Variants in KALRN observed in about 807,000 individuals in gnomAD.
KALRN encodes the protein kalirin.
KALRN carries 70 observed loss-of-function variants against 353.7 expected under a neutral mutation model. The observed-to-expected ratio is 0.20, with a 90% CI of 0.16 to 0.24. The LOEUF (loss-of-function observed/expected upper bound fraction) is 0.24. Among genes scored for constraint, KALRN ranks in the 10% least tolerant of loss-of-function variants. The pLI, the probability that KALRN is intolerant of heterozygous loss-of-function variation, is 1.00. For synonymous variants in KALRN, 1,391 were observed against 1,434.8 expected (o/e 0.97, Z 0.69); for missense variants, 2,791 against 3,756.7 (o/e 0.74, Z 6.72).
chr3:124,045,315 G>T (rs995592131), intron 1 of KALRN, among the ~76,000 whole-genome samples: 2 of 152,166 alleles, frequency 1.3e-5, no homozygotes, highest in Admixed American at 1.3e-4. Flanking sequence ...CCGTGTCAGG[G>T]TGTGGCAGTG....
intron 25 of KALRN, among the ~76,000 whole-genome samples, chr3:124,463,231 A>C (rs2060015195): frequency 6.6e-6 from 1 of 152,248 alleles, no homozygotes; most frequent in South Asian, 2.1e-4. Flanking sequence ...TCAGCAAAAA[A>C]ATTGGCATGA....
At chr3:124,401,164 C>CATTAAA (rs2090816096) in intron 13 of KALRN, among the ~76,000 whole-genome samples, 1 of 152,166 alleles carries the variant, frequency 6.6e-6, no homozygotes, top group African/African-American at 2.4e-5. Flanking sequence ...AAATCACATG[C>CATTAAA]ATTAAAATTG....
At chr3:124,106,887 G>T (rs1327950526) in intron 1 of KALRN, among the ~76,000 whole-genome samples, 1 of 152,132 alleles carries the variant, frequency 6.6e-6, no homozygotes, top group African/African-American at 2.4e-5. Context: ...GTGTTTGAGG[G>T]TTATCTGGTT....
intron 5 of KALRN, among the ~76,000 whole-genome samples, chr3:124,291,300 C>T (rs563439867): frequency 6.6e-6 from 1 of 152,298 alleles, no homozygotes; most frequent in Non-Finnish European, 1.5e-5. Context: ...CAGGGATGTC[C>T]AAGCTATGGT....
Position 124,702,260 on chromosome 3 carries a change from G to A in KALRN, c.8075+144G>A, listed in dbSNP as rs147243555. 2.2e-5 allele frequency: 11 copies of A among 507,612 alleles called. No individual in the cohort carries two copies. In the Admixed American group the frequency reaches 3.8e-4, roughly 17 times the overall value. The allele number at this position is 507,612 out of a possible 1,614,324, so 31.4% of individuals were successfully genotyped here. ...AAGAAAAAAACTAAAATATTCGTTTGTATTTTCTACTGTTCTTTTTCTAAC... is the reference window on the plus strand; with the variant it reads ...AAGAAAAAAACTAAAATATTCGTTTATATTTTCTACTGTTCTTTTTCTAAC... On this transcript the variant is annotated intron_variant, in intron 57 of 59. Coordinates refer to ENST00000682506, the MANE Select transcript of KALRN (RefSeq NM_001388419.1).
At chr3:124,340,712 T>C (rs924013690) in intron 9 of KALRN, among the ~76,000 whole-genome samples, 1 of 152,128 alleles carries the variant, frequency 6.6e-6, no homozygotes. Flanking sequence ...CCCAGCACTT[T>C]GGGAGGCAAA....
intron 24 of KALRN, 53 bp from the exon 25 acceptor site, chr3:124,462,471 A>C: frequency 9.3e-7 from 1 of 1,076,028 alleles, no homozygotes. Context: ...TTTTGTCTGT[A>C]TTTTATATGG....
chr3:124,686,938 C>T (rs1042542901), intron 51 of KALRN, among the ~76,000 whole-genome samples: 1 of 150,598 alleles, frequency 6.6e-6, no homozygotes, highest in Admixed American at 6.6e-5. Flanking sequence ...CCCTCAGCCT[C>T]CTGAATATCT....
intron 10 of KALRN, among the ~76,000 whole-genome samples, chr3:124,374,969 G>A (rs370605035): frequency 1.3e-5 from 2 of 152,140 alleles, no homozygotes; most frequent in African/African-American, 4.8e-5. Context: ...CCGAGATGGG[G>A]TCACTGGGCA....
intron 34 of KALRN, among the ~76,000 whole-genome samples, chr3:124,566,504 CA>C (rs3057177): frequency 0.29 from 39,537 of 136,114 alleles, 6,062 homozygotes; most frequent in East Asian, 0.5. Context: ...AACCCTGTCT[CA>C]AAAAAAAAAA....
intron 51 of KALRN, among the ~76,000 whole-genome samples, chr3:124,689,349 T>C (rs2061706268): frequency 6.6e-6 from 1 of 152,076 alleles, no homozygotes; most frequent in Non-Finnish European, 1.5e-5. Context: ...CGAGTAGCTG[T>C]GCACCACCAC....
intron 37 of KALRN, among the ~76,000 whole-genome samples, chr3:124,643,485 T>A (rs2082336811): frequency 6.6e-6 from 1 of 152,156 alleles, no homozygotes; most frequent in African/African-American, 2.4e-5. Flanking sequence ...GATTTTGTTG[T>A]TGTTCGGTTT....
At chr3:124,524,106 C>A (rs2067381247) in intron 33 of KALRN, among the ~76,000 whole-genome samples, 1 of 152,124 alleles carries the variant, frequency 6.6e-6, no homozygotes, top group African/African-American at 2.4e-5. Context: ...GTTATAGAAC[C>A]ACTCCCTAAA....
chr3:124,657,829 C>A (rs1004840), intron 41 of KALRN, 26 bp downstream of exon 41: 1 of 1,469,594 alleles, frequency 6.8e-7, no homozygotes. Flanking sequence ...CACCTCCTCC[C>A]CAACTCCTTC....
chr3:124,684,643 G>A (rs545562520), intron 51 of KALRN, among the ~76,000 whole-genome samples: 21 of 152,194 alleles, frequency 1.4e-4, no homozygotes, highest in Non-Finnish European at 2.2e-4. Flanking sequence ...CACCATGCAC[G>A]TCTAAGGTGT....
chr3:124,193,435 A>C (rs61159674), intron 1 of KALRN, among the ~76,000 whole-genome samples: 57,358 of 148,708 alleles, frequency 0.39, 11,521 homozygotes, highest in East Asian at 0.54. Flanking sequence ...CTATTTCCTG[A>C]ATTGAATCTA....
At chr3:124,129,745 CCTT>C (rs1328349429) in intron 1 of KALRN, among the ~76,000 whole-genome samples, 7 of 152,196 alleles carry the variant, frequency 4.6e-5, no homozygotes, top group African/African-American at 1.7e-4. Context: ...GGCTGTTCTC[CCTT>C]CTTCTGTTTT....
chr3:124,707,655 G>C (rs1439361946), intron 57 of KALRN, among the ~76,000 whole-genome samples: 1 of 152,198 alleles, frequency 6.6e-6, no homozygotes, highest in Non-Finnish European at 1.5e-5. Context: ...GGAGAGAACA[G>C]AATAATTCAT....
chr3:124,659,861 T>A (rs981226152), intron 43 of KALRN, among the ~76,000 whole-genome samples: 1 of 148,754 alleles, frequency 6.7e-6, no homozygotes. Flanking sequence ...TGATTTTATA[T>A]ATATATAAAA....
Sources: gnomAD v4.1 joint callset for allele counts (sites outside exome capture counted in the v4.1 genomes callset) on GRCh38, gnomAD v4.1.1 for gene constraint, MANE v1.5 for transcripts, NCBI Gene and HGNC (gene_info 2026-07-23, HGNC 2026-07-21) for gene names.